The following APBB2 variants were observed in gnomAD, a reference collection of about 807,000 sequenced individuals.
The protein encoded by APBB2 is amyloid beta precursor protein binding family B member 2, also known as Fe65-like 1.
A neutral mutation model predicts 82.5 loss-of-function variants in APBB2; 38 were observed. The ratio of observed to expected loss-of-function variants is 0.46; its 90% CI spans 0.36 to 0.60. The LOEUF (loss-of-function observed/expected upper bound fraction) is 0.60. APBB2 is among the 20% of genes least tolerant of loss of function. The pLI is 0.00. For missense variants in APBB2, 772 were observed against 972.3 expected (o/e 0.79, Z 2.74); for synonymous variants, 341 against 368.2 (o/e 0.93, Z 0.85).
At chr4:40,854,807 A>G (rs1295783974) in intron 12 of APBB2, among the ~76,000 whole-genome samples, 21 of 133,936 alleles carry the variant, frequency 1.6e-4, no homozygotes, top group East Asian at 6.1e-4. Flanking sequence ...AAAAAAAAAA[A>G]AAGAAGAAAG....
At chr4:40,873,893 G>GA (rs918581319) in intron 12 of APBB2, among the ~76,000 whole-genome samples, 17 of 152,252 alleles carry the variant, frequency 1.1e-4, no homozygotes, top group South Asian at 4.1e-4. Context: ...AGAAGTCAGA[G>GA]AAAAAATCTG....
intron 4 of APBB2, among the ~76,000 whole-genome samples, chr4:41,064,622 A>T (rs186704601): frequency 3.1e-4 from 47 of 152,348 alleles, no homozygotes; most frequent in African/African-American, 1.1e-3. Context: ...ATTAAAGGGA[A>T]GAATCATTTT....
In APBB2 at chr4:40,816,128, A is replaced by G. The variant is rs760836576; in HGVS notation, c.2244T>C (p.Thr748=). 2 of 1,614,044 alleles carry G rather than the reference A, an allele frequency of 1.2e-6. No homozygotes were observed. The highest frequency in any genetic ancestry group is 3.3e-5 in the Admixed American group (2 of 59,998). The change falls in exon 18 of 18, where the codon ACT becomes ACC. Residue 748 remains threonine (T), a synonymous_variant. Coordinates refer to ENST00000508593, the MANE Select transcript of APBB2 (RefSeq NM_004307.2). ...VKRGVLSLID[T]LKQKRPVTEM... is the part of the protein sequence containing the mutation. The stretch of plus-strand genomic sequence containing the variant: ...CGGTGACAGGGCGTTTCTGTTTCAA[A>G]GTGTCAATGAGGGATAAGACCCCTC...
At chr4:41,047,578 G>C (rs1723887532) in intron 4 of APBB2, among the ~76,000 whole-genome samples, 2 of 152,166 alleles carry the variant, frequency 1.3e-5, no homozygotes, top group Admixed American at 1.3e-4. Context: ...GCACCATGAT[G>C]CTCCTTGTTT....
chr4:40,915,773 C>T (rs558945633), intron 10 of APBB2, among the ~76,000 whole-genome samples: 1 of 152,080 alleles, frequency 6.6e-6, no homozygotes, highest in South Asian at 2.1e-4. Flanking sequence ...ACTGTGCTCT[C>T]GGGGGAGGAG....
At chr4:40,902,297 A>G (rs959845730) in intron 10 of APBB2, among the ~76,000 whole-genome samples, 2 of 152,052 alleles carry the variant, frequency 1.3e-5, no homozygotes, top group Admixed American at 6.5e-5. Context: ...TACGTGAATC[A>G]GGGCTAGCGA....
chr4:41,180,389 G>A (rs1364882662), intron 1 of APBB2, among the ~76,000 whole-genome samples: 1 of 152,158 alleles, frequency 6.6e-6, no homozygotes, highest in African/African-American at 2.4e-5. Context: ...AGGACTGCCT[G>A]AGTCTAGAAG....
chr4:40,930,708 CTATATT>C (rs1345775477), intron 10 of APBB2, among the ~76,000 whole-genome samples: 28 of 152,190 alleles, frequency 1.8e-4, no homozygotes, highest in Non-Finnish European at 1.5e-4. Flanking sequence ...TCCTCACAGA[CTATATT>C]TAGAATTCCA....
intron 1 of APBB2, among the ~76,000 whole-genome samples, chr4:41,179,386 G>C (rs1301370655): frequency 6.6e-6 from 1 of 152,128 alleles, no homozygotes; most frequent in Non-Finnish European, 1.5e-5. Context: ...AATATGTATA[G>C]ATTCAATTCA....
At chr4:41,125,286 T>C (rs1754044933) in intron 2 of APBB2, among the ~76,000 whole-genome samples, 1 of 152,230 alleles carries the variant, frequency 6.6e-6, no homozygotes. Context: ...GATATGGAAT[T>C]TGAAGAAGCA....
At chr4:40,902,366 A>G (rs1253181418) in intron 10 of APBB2, among the ~76,000 whole-genome samples, 2 of 152,206 alleles carry the variant, frequency 1.3e-5, no homozygotes, top group East Asian at 3.8e-4. Flanking sequence ...AACCGGTTAA[A>G]TGGCTCTACA....
intron 4 of APBB2, among the ~76,000 whole-genome samples, chr4:41,061,514 G>A (rs1020026702): frequency 1.3e-5 from 2 of 152,216 alleles, no homozygotes; most frequent in African/African-American, 4.8e-5. Context: ...ACAATGATAA[G>A]TATTTGGGCA....
At chr4:41,041,476 C>G (rs949547995) in intron 4 of APBB2, among the ~76,000 whole-genome samples, 2 of 152,154 alleles carry the variant, frequency 1.3e-5, no homozygotes, top group Admixed American at 6.5e-5. Context: ...ACTTGAATTT[C>G]TTACATTTTT....
intron 7 of APBB2, among the ~76,000 whole-genome samples, chr4:40,944,156 T>C (rs1266249662): frequency 6.6e-6 from 1 of 152,246 alleles, no homozygotes; most frequent in Non-Finnish European, 1.5e-5. Flanking sequence ...AAGAAGTCAT[T>C]ACTTAATTGT....
chr4:41,147,996 T>A (rs1353015845), intron 1 of APBB2, among the ~76,000 whole-genome samples: 1 of 152,168 alleles, frequency 6.6e-6, no homozygotes, highest in Non-Finnish European at 1.5e-5. Flanking sequence ...AAAATTAGAT[T>A]TACAGTATTG....
chr4:40,982,397 A>AAG (rs1560449287), intron 6 of APBB2, among the ~76,000 whole-genome samples: 1 of 41,064 alleles, frequency 2.4e-5, no homozygotes, highest in Non-Finnish European at 5.2e-5. Flanking sequence ...GAAGGAAAGG[A>AAG]AAGGAAAGAA....
At chr4:41,207,865 T>C (rs1274759272) in intron 1 of APBB2, 5 of 152,128 alleles carry the variant, frequency 3.3e-5, no homozygotes, top group Admixed American at 2.6e-4. Context: ...AGCGGCTAGA[T>C]AAAAATATTC....
At position 40,810,560 on chromosome 4, in the gene APBB2, A is replaced by G. The variant is rs1434904925; in HGVS notation, c.*5532T>C. On this transcript the variant is annotated 3_prime_UTR_variant, in exon 18 of 18. Coordinates refer to ENST00000508593, the MANE Select transcript of APBB2 (RefSeq NM_004307.2). The stretch of plus-strand genomic sequence containing the variant: ...CCCACTGCACTCCAGCCTGGGAAGC[A>G]GAGTGAGACCTTGCCTCAAAAAAAA... 7.2e-6 allele frequency: 1 copy of G among 138,352 alleles called. No individual in the cohort carries two copies. Among genetic ancestry groups the G allele is most frequent in the Non-Finnish European group, 1.5e-5 (1 of 65,270 alleles). The allele number at this position is 138,352 out of a possible 1,614,324, so 8.6% of individuals were successfully genotyped here.
At chr4:41,079,122 C>G (rs1736644812) in intron 3 of APBB2, among the ~76,000 whole-genome samples, 1 of 152,170 alleles carries the variant, frequency 6.6e-6, no homozygotes, top group Non-Finnish European at 1.5e-5. Flanking sequence ...AAGAGATGGT[C>G]AGCACGAACA....
Sources: allele counts gnomAD v4.1 joint callset (sites outside exome capture counted in the v4.1 genomes callset), GRCh38; gene constraint gnomAD v4.1.1; transcripts MANE v1.5; gene names NCBI Gene and HGNC (gene_info 2026-07-23, HGNC 2026-07-21).